The following CDYL2 variants were observed in gnomAD, a reference collection of about 807,000 sequenced individuals.
CDYL2 encodes the protein chromodomain Y-like protein 2.
Under a neutral mutation model 49.4 loss-of-function variants are expected in CDYL2, and 23 were observed. That is an observed-to-expected ratio of 0.47 (90% CI 0.34 to 0.66). The LOEUF (loss-of-function observed/expected upper bound fraction) is 0.66. Ranked by LOEUF, CDYL2 falls within the 30% of genes least tolerant of loss-of-function variation. CDYL2 has a pLI of 0.01. For synonymous variants in CDYL2, 360 were observed against 268.8 expected (o/e 1.34, Z -3.32); for missense variants, 678 against 656.4 (o/e 1.03, Z -0.36).
chr16:80,619,542 C>G (rs1233748244), intron 4 of CDYL2, among the ~76,000 whole-genome samples: 1 of 152,188 alleles, frequency 6.6e-6, no homozygotes, highest in Non-Finnish European at 1.5e-5. Context: ...CTCTGGTGGC[C>G]TCATGCATGA....
At chr16:80,637,894 T>A (rs1300029634) in intron 2 of CDYL2, among the ~76,000 whole-genome samples, 1 of 152,232 alleles carries the variant, frequency 6.6e-6, no homozygotes, top group Non-Finnish European at 1.5e-5. Flanking sequence ...GTACAACTAT[T>A]ATACGTAAAT....
At chr16:80,783,897 G>T (rs1372016570) in intron 1 of CDYL2, among the ~76,000 whole-genome samples, 1 of 152,124 alleles carries the variant, frequency 6.6e-6, no homozygotes, top group South Asian at 2.1e-4. Flanking sequence ...CCCGGGGCTG[G>T]GAAAACAGCA....
Position 80,684,883 on chromosome 16 carries a change from G to T in CDYL2, c.271C>A (p.His91Asn), listed in dbSNP as rs769040263. 8.7e-6 allele frequency: 14 copies of T among 1,614,158 alleles called. No homozygotes were observed. The East Asian group carries it at 3.1e-4, about 36-fold the overall frequency. ...CTCTTTCCAGGATCTGAAGGTCTGT[G>T]GGACAGTTTCTCAACCGACGGGCCT... Reference protein sequence around the residue: ...SRGPSVEKLSHRPSDPGKSKG... With the variant: ...SRGPSVEKLSNRPSDPGKSKG... Residue 91 changes from histidine (H) to asparagine (N), a missense_variant, in exon 2 of 7, where the codon CAC (histidine) becomes AAC (asparagine). By Grantham distance (68) the His-to-Asn change is moderately conservative. Coordinates refer to ENST00000570137, the MANE Select transcript of CDYL2 (RefSeq NM_152342.4).
intron 1 of CDYL2, among the ~76,000 whole-genome samples, chr16:80,703,351 C>T (rs1364269332): frequency 1.3e-5 from 2 of 152,096 alleles, no homozygotes; most frequent in African/African-American, 4.8e-5. Context: ...TTTTTTTCGA[C>T]TGTGAACCCC....
intron 1 of CDYL2, chr16:80,734,955 C>T (rs1472634725): frequency 6.6e-6 from 1 of 152,214 alleles, no homozygotes; most frequent in Non-Finnish European, 1.5e-5. Context: ...TCCCAGTGAT[C>T]CCTGAGCACT....
At chr16:80,692,210 G>C (rs973826813) in intron 1 of CDYL2, among the ~76,000 whole-genome samples, 3 of 152,160 alleles carry the variant, frequency 2.0e-5, no homozygotes, top group Admixed American at 6.5e-5. Flanking sequence ...AGGAGAGTTT[G>C]AGAATAGATC....
At chr16:80,771,919 A>T (rs1168625588) in intron 1 of CDYL2, among the ~76,000 whole-genome samples, 2 of 152,192 alleles carry the variant, frequency 1.3e-5, no homozygotes, top group African/African-American at 4.8e-5. Flanking sequence ...GACAAAGAGG[A>T]TACAGTGATG....
At chr16:80,626,862 C>A (rs191399386) in intron 3 of CDYL2, among the ~76,000 whole-genome samples, 1 of 152,132 alleles carries the variant, frequency 6.6e-6, no homozygotes, top group East Asian at 1.9e-4. Context: ...GAATTTTATT[C>A]CAAACAAAAA....
At chr16:80,661,965 G>A (rs1432405728) in intron 2 of CDYL2, among the ~76,000 whole-genome samples, 1 of 152,072 alleles carries the variant, frequency 6.6e-6, no homozygotes, top group African/African-American at 2.4e-5. Context: ...TCAGGTGGGG[G>A]AACTCACTCC....
intron 1 of CDYL2, among the ~76,000 whole-genome samples, chr16:80,697,682 C>G (rs1244217820): frequency 6.6e-6 from 1 of 152,044 alleles, no homozygotes; most frequent in African/African-American, 2.4e-5. Context: ...TCTAAAGACT[C>G]CACCAAAAAC....
chr16:80,743,479 C>T (rs1480163402), intron 1 of CDYL2, among the ~76,000 whole-genome samples: 1 of 58,970 alleles, frequency 1.7e-5, no homozygotes, highest in African/African-American at 3.4e-5. Flanking sequence ...AGTAGCAGCA[C>T]TTCAACCTGG....
chr16:80,749,970 C>G (rs1231899964), intron 1 of CDYL2, among the ~76,000 whole-genome samples: 1 of 151,354 alleles, frequency 6.6e-6, no homozygotes, highest in Non-Finnish European at 1.5e-5. Flanking sequence ...TCATTCTCAG[C>G]AAACTATCCC....
At chr16:80,733,471 G>C (rs962719374) in intron 1 of CDYL2, among the ~76,000 whole-genome samples, 1 of 152,166 alleles carries the variant, frequency 6.6e-6, no homozygotes, top group African/African-American at 2.4e-5. Context: ...TCCCTGGACA[G>C]GTTTATGGAG....
chr16:80,649,145 T>C (rs1440551133), intron 2 of CDYL2, among the ~76,000 whole-genome samples: 1 of 152,082 alleles, frequency 6.6e-6, no homozygotes, highest in Non-Finnish European at 1.5e-5. Flanking sequence ...GCTAGAGTAA[T>C]TAGACAAATG....
chr16:80,639,778 G>C (rs1209233259), intron 2 of CDYL2: 1 of 454,820 alleles, frequency 2.2e-6, no homozygotes, highest in South Asian at 1.6e-5. Flanking sequence ...GCAGTAGTGT[G>C]GTATGGAAAG....
intron 1 of CDYL2, among the ~76,000 whole-genome samples, chr16:80,745,434 A>C (rs11647695): frequency 0.4 from 61,563 of 152,114 alleles, 15,046 homozygotes; most frequent in Middle Eastern, 0.6. Context: ...CCCGCAGTAC[A>C]TAATCCCAGC....
In CDYL2 at chr16:80,643,658, C is replaced by G. The variant is rs529413941; in HGVS notation, c.617-10422G>C. On this transcript the variant is annotated intron_variant, in intron 2 of 6. Transcript: ENST00000570137. Reference sequence around the variant, plus strand: ...GACTTCTGGGCACTCATAGGCTCAACACCACATGGAAGATGCCAAAGCTTG... The same window carrying G: ...GACTTCTGGGCACTCATAGGCTCAAGACCACATGGAAGATGCCAAAGCTTG... Among the ~76,000 whole-genome samples, 60 of 152,374 alleles carry G rather than the reference C, an allele frequency of 3.9e-4. 1 individual carries two copies. Among genetic ancestry groups the G allele is most frequent in the African/African-American group, 1.3e-3 (56 of 41,594 alleles).
chr16:80,657,090 C>T (rs1460059328), intron 2 of CDYL2, among the ~76,000 whole-genome samples: 3 of 152,180 alleles, frequency 2.0e-5, no homozygotes, highest in Non-Finnish European at 2.9e-5. Flanking sequence ...AATGAGCCTG[C>T]ACACCAAAAT....
chr16:80,755,139 C>A (rs1341004003), intron 1 of CDYL2, among the ~76,000 whole-genome samples: 1 of 152,158 alleles, frequency 6.6e-6, no homozygotes, highest in Non-Finnish European at 1.5e-5. Context: ...CTATTTAATG[C>A]ACACATATAT....
Sources: allele counts gnomAD v4.1 joint callset (sites outside exome capture counted in the v4.1 genomes callset), GRCh38; gene constraint gnomAD v4.1.1; transcripts MANE v1.5; gene names NCBI Gene and HGNC (gene_info 2026-07-23, HGNC 2026-07-21).